The following CNTN5 variants were observed in gnomAD, a reference collection of about 807,000 sequenced individuals.
The protein encoded by CNTN5 is contactin-5.
Under a neutral mutation model 129.1 loss-of-function variants are expected in CNTN5, and 77 were observed. The observed-to-expected ratio is 0.60, with a 90% CI of 0.50 to 0.72. The LOEUF (loss-of-function observed/expected upper bound fraction) is 0.72. CNTN5 is among the 30% of genes least tolerant of loss of function. CNTN5 has a pLI of 0.00. For synonymous variants in CNTN5, 509 were observed against 465.6 expected (o/e 1.09, Z -1.20); for missense variants, 1,478 against 1,328.8 (o/e 1.11, Z -1.75).
chr11:100,141,720 G>A (rs150104480), intron 13 of CNTN5, among the ~76,000 whole-genome samples: 2 of 152,082 alleles, frequency 1.3e-5, no homozygotes, highest in Non-Finnish European at 2.9e-5. Flanking sequence ...ACCTGACAGG[G>A]TTATTCAAGT....
intron 3 of CNTN5, among the ~76,000 whole-genome samples, chr11:99,610,555 G>A (rs189221428): frequency 3.9e-5 from 6 of 152,298 alleles, no homozygotes; most frequent in Admixed American, 3.9e-4. Context: ...TTCATGACAT[G>A]GGTCTCTGTA....
chr11:99,819,642 C>T lies in CNTN5; in HGVS notation c.154C>T (p.Pro52Ser), dbSNP rs202179266. 52 of 1,612,970 alleles carry T rather than the reference C, an allele frequency of 3.2e-5. No homozygotes were observed. In the African/African-American group the frequency reaches 3.3e-4, roughly 10 times the overall value. The change falls in exon 4 of 25, where the codon CCA becomes TCA. Residue 52 changes from proline (P) to serine (S), a missense_variant. Physicochemically the swap from Pro to Ser is moderately conservative, Grantham distance 74. Transcript: ENST00000524871. The part of the protein sequence containing the change: ...SSSLFGSKTR[P>S]RYSSPSLGTL... Reference sequence around the variant, plus strand: ...ATCTCTCTTTGGTTCCAAAACCAGACCACGATACAGCAGCCCTTCATTAGG... The same window carrying T: ...ATCTCTCTTTGGTTCCAAAACCAGATCACGATACAGCAGCCCTTCATTAGG...
At chr11:100,063,823 G>A (rs376519272) in intron 10 of CNTN5, among the ~76,000 whole-genome samples, 2 of 151,854 alleles carry the variant, frequency 1.3e-5, no homozygotes, top group Non-Finnish European at 2.9e-5. Context: ...GAAAGTCAAC[G>A]CTGCGGTGAA....
intron 3 of CNTN5, among the ~76,000 whole-genome samples, chr11:99,714,330 C>G (rs1007498720): frequency 7.2e-5 from 11 of 151,918 alleles, no homozygotes; most frequent in Middle Eastern, 3.4e-3. Context: ...GTATAGCAAG[C>G]TACATAGCAT....
At chr11:99,136,396 C>T (rs1859220347) in intron 1 of CNTN5, among the ~76,000 whole-genome samples, 1 of 152,036 alleles carries the variant, frequency 6.6e-6, no homozygotes, top group Non-Finnish European at 1.5e-5. Flanking sequence ...AGTATATATC[C>T]CAAACCTAAT....
chr11:99,588,120 G>C (rs924441445), intron 3 of CNTN5, among the ~76,000 whole-genome samples: 3 of 152,092 alleles, frequency 2.0e-5, no homozygotes, highest in Non-Finnish European at 2.9e-5. Context: ...GAGGCGGGCG[G>C]ATCACGATGT....
rs774797660 is a variant in CNTN5 at position 99,382,844 on chromosome 11, A to AGTTTTTTT, written c.-71+57360_-71+57361insGTTTTTTT. Among the ~76,000 whole-genome samples the AGTTTTTTT allele has an allele frequency of 3.1e-3, 216 of 69,300 alleles. 22 individuals are homozygous for AGTTTTTTT. The highest frequency in any genetic ancestry group is 8.3e-3 in the African/African-American group (116 of 13,996). 45.5% of individuals were successfully genotyped at this position (69,300 alleles called of 152,430 possible). ...CACATCTCACTAGTGTCTCTAAATA[A>AGTTTTTTT]CTTTTTTTTTTTTTTTTTTTTTTTT... is the stretch of plus-strand genomic sequence containing the variant. On this transcript the variant is annotated intron_variant, in intron 2 of 24. Transcript: ENST00000524871.
chr11:99,697,741 G>A (rs753818718), intron 3 of CNTN5, among the ~76,000 whole-genome samples: 50 of 151,584 alleles, frequency 3.3e-4, no homozygotes, highest in African/African-American at 1.1e-3. Flanking sequence ...ATAAGGTATC[G>A]ATAATACTAG....
intron 1 of CNTN5, among the ~76,000 whole-genome samples, chr11:99,115,976 A>G (rs990329876): frequency 6.6e-6 from 1 of 152,162 alleles, no homozygotes; most frequent in Non-Finnish European, 1.5e-5. Flanking sequence ...GTGAAAAAAT[A>G]TGTTTCTGAA....
chr11:100,230,369 C>T (rs1949463710), intron 16 of CNTN5, among the ~76,000 whole-genome samples: 1 of 152,156 alleles, frequency 6.6e-6, no homozygotes, highest in Non-Finnish European at 1.5e-5. Flanking sequence ...GTGATTGACA[C>T]TTATAAAATT....
chr11:100,187,614 T>TATTC (rs1948341325), intron 13 of CNTN5, among the ~76,000 whole-genome samples: 2 of 152,122 alleles, frequency 1.3e-5, no homozygotes, highest in South Asian at 4.1e-4. Context: ...CCAATGGGAC[T>TATTC]GAATAGAGAA....
chr11:100,055,102 G>T (rs1943152537), intron 9 of CNTN5, among the ~76,000 whole-genome samples: 1 of 148,174 alleles, frequency 6.7e-6, no homozygotes, highest in South Asian at 2.1e-4. Flanking sequence ...TTTGGAAAGA[G>T]ATGAGGTTTC....
At chr11:99,620,615 C>G (rs1006172199) in intron 3 of CNTN5, among the ~76,000 whole-genome samples, 9 of 150,936 alleles carry the variant, frequency 6.0e-5, no homozygotes, top group Admixed American at 1.3e-4. Flanking sequence ...GGCTGATGGC[C>G]AAGCAGTTAG....
intron 2 of CNTN5, among the ~76,000 whole-genome samples, chr11:99,458,067 A>G (rs564213207): frequency 6.6e-6 from 1 of 151,928 alleles, no homozygotes; most frequent in African/African-American, 2.4e-5. Context: ...ATATACATTT[A>G]TATTTAAATT....
intron 1 of CNTN5, among the ~76,000 whole-genome samples, chr11:99,163,373 A>G (rs963528420): frequency 1.1e-4 from 16 of 148,266 alleles, no homozygotes; most frequent in Non-Finnish European, 1.0e-4. Context: ...ACTAGTAAAT[A>G]AGATTTGTTG....
In CNTN5 at chr11:99,031,633, G is replaced by GA. The variant is rs200223033; in HGVS notation, c.-210+10372dup. ...TAAATATTCATACCATGAGCTATTT[G>GA]AAAAAAAAACCAAACAAACCTGGAA... On this transcript the variant is annotated intron_variant, in intron 1 of 24. Coordinates refer to ENST00000524871, the MANE Select transcript of CNTN5 (RefSeq NM_014361.4). 1.2e-3 allele frequency among the ~76,000 whole-genome samples: 177 copies of GA among 147,082 alleles called. 1 individual carries two copies. The highest frequency in any genetic ancestry group is 8.2e-3 in the South Asian group (38 of 4,644).
At chr11:99,882,277 T>C (rs988178118) in intron 6 of CNTN5, among the ~76,000 whole-genome samples, 2 of 152,246 alleles carry the variant, frequency 1.3e-5, no homozygotes, top group East Asian at 3.8e-4. Context: ...AAAAGACTTA[T>C]GGTTTTCATA....
intron 2 of CNTN5, among the ~76,000 whole-genome samples, chr11:99,390,040 G>A (rs545918681): frequency 6.6e-6 from 1 of 152,118 alleles, no homozygotes; most frequent in Non-Finnish European, 1.5e-5. Context: ...ATAGCACAAT[G>A]CCTGACATAT....
chr11:99,967,265 G>A (rs1424696108), intron 8 of CNTN5, among the ~76,000 whole-genome samples: 2 of 152,142 alleles, frequency 1.3e-5, no homozygotes, highest in African/African-American at 4.8e-5. Context: ...GTGAAGGTTT[G>A]GAAGATTTGA....
Sources: allele counts gnomAD v4.1 joint callset (sites outside exome capture counted in the v4.1 genomes callset), GRCh38; gene constraint gnomAD v4.1.1; transcripts MANE v1.5; gene names NCBI Gene and HGNC (gene_info 2026-07-23, HGNC 2026-07-21).